TSPEAR: variants seen among roughly 807,000 people sequenced by gnomAD.
The protein encoded by TSPEAR is thrombospondin type laminin G domain and EAR repeats.
In TSPEAR, 69 loss-of-function variants were observed where a neutral mutation model predicts 71.6. That is an observed-to-expected ratio of 0.96 (90% confidence interval 0.79 to 1.18). The LOEUF (loss-of-function observed/expected upper bound fraction) is 1.18. Among genes scored for constraint, TSPEAR ranks in the 50% most tolerant of loss-of-function variants. The pLI, the probability that TSPEAR is intolerant of heterozygous loss-of-function variation, is 0.00. For missense variants in TSPEAR, 971 were observed against 894.9 expected, an observed-to-expected ratio of 1.09 and a Z score of -1.09; for synonymous variants, 402 against 387.2, an observed-to-expected ratio of 1.04 and a Z score of -0.45.
At chr21:44,575,824 C>T (rs1188269841) in intron 1 of TSPEAR, among the ~76,000 whole-genome samples, 1 of 152,176 alleles carries the variant, frequency 6.6e-6, no homozygotes, top group Non-Finnish European at 1.5e-5. Context: ...GGAATTGGGT[C>T]TCTGTCGCTT....
intron 1 of TSPEAR, among the ~76,000 whole-genome samples, chr21:44,575,954 C>T (rs781851930): frequency 4.6e-5 from 7 of 152,256 alleles, no homozygotes; most frequent in African/African-American, 7.2e-5. Flanking sequence ...AGACAGAGCA[C>T]GTGTGACCAC....
Position 44,522,154 on chromosome 21 carries a change from C to A in TSPEAR, c.1337-42G>T, listed in dbSNP as rs782405411. 11 of 1,588,918 alleles carry A rather than the reference C, an allele frequency of 6.9e-6. No individual in the cohort carries two copies. The Admixed American group carries it at 1.7e-4, about 24-fold the overall frequency. On this transcript the variant is annotated intron_variant, in intron 8 of 11. Coordinates refer to ENST00000323084, the MANE Select transcript of TSPEAR (RefSeq NM_144991.3). ...GTGCTGGGGGCAGGGAGGCAGATTCCACAGCCCCATGGCAGCCCCGACGGA... is the reference window on the plus strand; with the variant it reads ...GTGCTGGGGGCAGGGAGGCAGATTCAACAGCCCCATGGCAGCCCCGACGGA...
intron 1 of TSPEAR, among the ~76,000 whole-genome samples, chr21:44,600,368 G>A (rs140765479): frequency 2.7e-4 from 41 of 152,016 alleles, no homozygotes; most frequent in African/African-American, 9.4e-4. Context: ...TGCGTCAACG[G>A]AACCAAATAT....
intron 11 of TSPEAR, among the ~76,000 whole-genome samples, chr21:44,502,869 T>C (rs1324112518): frequency 4.9e-5 from 7 of 143,934 alleles, no homozygotes; most frequent in Non-Finnish European, 9.1e-5. Flanking sequence ...AGCAAGGCTC[T>C]GGGAGGAGGC....
At chr21:44,694,039 C>T (rs1987226365) in intron 1 of TSPEAR, among the ~76,000 whole-genome samples, 1 of 152,082 alleles carries the variant, frequency 6.6e-6, no homozygotes, top group African/African-American at 2.4e-5. Context: ...TAAGGATAGA[C>T]ACAAAAAGCA....
At chr21:44,644,034 C>T (rs182648781) in intron 1 of TSPEAR, among the ~76,000 whole-genome samples, 1 of 152,338 alleles carries the variant, frequency 6.6e-6, no homozygotes, top group Admixed American at 6.5e-5. Context: ...CGTGGGCCAC[C>T]CTGCCCTCCA....
intron 2 of TSPEAR, among the ~76,000 whole-genome samples, chr21:44,544,614 T>C (rs2053270968): frequency 6.6e-6 from 1 of 152,206 alleles, no homozygotes; most frequent in Admixed American, 6.5e-5. Context: ...CTTGTTTTAT[T>C]AGGCCATCAT....
chr21:44,589,094 A>C (rs115321098), intron 1 of TSPEAR, among the ~76,000 whole-genome samples: 1,549 of 152,262 alleles, frequency 0.01, 23 homozygotes, highest in African/African-American at 0.024. Context: ...TCACAAATCA[A>C]CACTAAATTA....
chr21:44,528,928 C>A (rs1198758620), intron 5 of TSPEAR, among the ~76,000 whole-genome samples: 1 of 152,234 alleles, frequency 6.6e-6, no homozygotes, highest in Non-Finnish European at 1.5e-5. Context: ...GAGGGAGTCC[C>A]TGTTGACAGT....
intron 1 of TSPEAR, among the ~76,000 whole-genome samples, chr21:44,700,454 G>A (rs1052097629): frequency 6.6e-6 from 1 of 152,210 alleles, no homozygotes; most frequent in Non-Finnish European, 1.5e-5. Flanking sequence ...CACGAGAAGA[G>A]CCGAGGGAGC....
At chr21:44,517,038 GTC>G (rs1478326783) in intron 9 of TSPEAR, among the ~76,000 whole-genome samples, 3 of 152,166 alleles carry the variant, frequency 2.0e-5, no homozygotes, top group Non-Finnish European at 4.4e-5. Context: ...TGGCCCCTGT[GTC>G]TCTGCCTTCC....
At chr21:44,698,621 T>C (rs1225069566) in intron 1 of TSPEAR, among the ~76,000 whole-genome samples, 3 of 152,178 alleles carry the variant, frequency 2.0e-5, no homozygotes, top group Admixed American at 6.5e-5. Flanking sequence ...AAGTGGGGGC[T>C]GGCTGGACAC....
Position 44,504,851 on chromosome 21 carries a change from T to G in TSPEAR, c.1785A>C (p.Gly595=), listed in dbSNP as rs781904428. ...SALDWEFFSV[G]EDYFLVVANS... ...TGGCCACCACCAGGAAATAATCTTC[T>G]CCCACCGAGAAAAACTCCCAGTCCA... The change falls in exon 11 of 12, where the codon GGA becomes GGC. Residue 595 remains glycine (G), a synonymous_variant. Transcript: ENST00000323084. 2.5e-6 allele frequency: 4 copies of G among 1,607,072 alleles called. No individual in the cohort carries two copies. Among genetic ancestry groups the G allele is most frequent in the Non-Finnish European group, 1.7e-6 (2 of 1,177,286 alleles).
At chr21:44,641,949 C>T (rs1209547505) in intron 1 of TSPEAR, among the ~76,000 whole-genome samples, 1 of 152,080 alleles carries the variant, frequency 6.6e-6, no homozygotes, top group Non-Finnish European at 1.5e-5. Flanking sequence ...AACACGACCC[C>T]CTCTTTTCAA....
chr21:44,518,595 C>A (rs782708520), intron 9 of TSPEAR: 1 of 464,558 alleles, frequency 2.2e-6, no homozygotes, highest in South Asian at 1.6e-5. Context: ...GCCTAGTTGA[C>A]GAGAAAGTCA....
chr21:44,653,900 G>A (rs1984960663), intron 1 of TSPEAR, among the ~76,000 whole-genome samples: 1 of 152,232 alleles, frequency 6.6e-6, no homozygotes, highest in Non-Finnish European at 1.5e-5. Flanking sequence ...CCCCTTCTCT[G>A]CAGGGAAGGA....
chr21:44,504,025 GC>G (rs2052122339), intron 11 of TSPEAR, among the ~76,000 whole-genome samples: 1 of 149,270 alleles, frequency 6.7e-6, no homozygotes, highest in African/African-American at 2.5e-5. Context: ...TGAGCCCTCA[GC>G]AGGAAGCAAG....
chr21:44,544,940 CA>C (rs2053277468), intron 2 of TSPEAR, among the ~76,000 whole-genome samples: 1 of 149,802 alleles, frequency 6.7e-6, no homozygotes, highest in Admixed American at 6.6e-5. Context: ...GTATGTGAAA[CA>C]AAAATGGACA....
intron 3 of TSPEAR, among the ~76,000 whole-genome samples, chr21:44,532,848 A>C (rs1265535983): frequency 2.6e-5 from 4 of 152,206 alleles, no homozygotes; most frequent in Admixed American, 2.6e-4. Context: ...CATTGTGTCC[A>C]AGGCTACAAA....
Sources: gnomAD v4.1 joint callset for allele counts (sites outside exome capture counted in the v4.1 genomes callset) on GRCh38, gnomAD v4.1.1 for gene constraint, MANE v1.5 for transcripts, NCBI Gene and HGNC (gene_info 2026-07-23, HGNC 2026-07-21) for gene names.